The following ERICH5 variants were observed in gnomAD, a reference collection of about 807,000 sequenced individuals.
ERICH5 encodes glutamate-rich protein 5.
In ERICH5, 24 loss-of-function variants were observed where a neutral mutation model predicts 28.0. The ratio of observed to expected loss-of-function variants is 0.86; its 90% CI spans 0.62 to 1.21. The LOEUF (loss-of-function observed/expected upper bound fraction) is 1.21, where lower values mean the gene tolerates loss of function less well. Ranked by LOEUF, ERICH5 falls within the 50% of genes most tolerant of loss-of-function variation. ERICH5 has a pLI of 0.00. For synonymous variants in ERICH5, 163 were observed against 157.6 expected (o/e 1.03, Z -0.25); for missense variants, 421 against 441.2 (o/e 0.95, Z 0.41).
In ERICH5 at chr8:98,075,785, C is replaced by CTTT. The variant is rs1296283210; in HGVS notation, c.58+11075_58+11077dup. ...TAACTCCCATCTCAAGCACACCTGC[C>CTTT]TTTTTTTTTTTTTTTTTTTGAGACA... On this transcript the variant is annotated intron_variant, in intron 1 of 2. Transcript: ENST00000318528. Among the ~76,000 whole-genome samples, 16 of 81,648 alleles carry CTTT rather than the reference C, an allele frequency of 2.0e-4. 1 individual carries two copies. In the South Asian group the frequency reaches 2.7e-3, roughly 14 times the overall value. The allele number at this position is 81,648 out of a possible 152,430, so 53.6% of individuals were successfully genotyped here. A position where few individuals can be genotyped will look rare whatever the true frequency, so the allele number is the denominator to read the frequency against.
intron 1 of ERICH5, among the ~76,000 whole-genome samples, chr8:98,088,790 G>A (rs1208431605): frequency 7.2e-5 from 11 of 152,218 alleles, no homozygotes; most frequent in Non-Finnish European, 2.9e-5. Flanking sequence ...AGCTCAGTTA[G>A]AATCTGGGAC....
At chr8:98,085,664 C>G (rs1025709470) in intron 1 of ERICH5, among the ~76,000 whole-genome samples, 4 of 152,066 alleles carry the variant, frequency 2.6e-5, no homozygotes, top group Non-Finnish European at 5.9e-5. Context: ...TAAAAAAAGT[C>G]CTGCTAGAAA....
At chr8:98,073,496 A>C (rs1235700905) in intron 1 of ERICH5, among the ~76,000 whole-genome samples, 49 of 3,102 alleles carry the variant, frequency 0.016, 14 homozygotes, top group East Asian at 0.062. Context: ...GTATATATAT[A>C]TATATATATA....
At position 98,086,116 on chromosome 8, in the gene ERICH5, C is replaced by G. The variant is rs1730783407; in HGVS notation, c.59-2960C>G. ...TGAAGATATGGATCTAATTTTGTGC[C>G]TTCCTGAAAAACCACTAAAATGACA... On this transcript the variant is annotated intron_variant, in intron 1 of 2. Transcript: ENST00000318528. Among the ~76,000 whole-genome samples the G allele has an allele frequency of 5.3e-5, 8 of 151,950 alleles. No individual in the cohort carries two copies. The South Asian group carries it at 1.7e-3, about 32-fold the overall frequency.
chr8:98,081,215 C>A (rs1159499048), intron 1 of ERICH5, among the ~76,000 whole-genome samples: 2 of 152,082 alleles, frequency 1.3e-5, no homozygotes, highest in African/African-American at 4.8e-5. Context: ...AAGCTATCCT[C>A]CCATCTCGGC....
chr8:98,072,642 A>T (rs567599841), intron 1 of ERICH5, among the ~76,000 whole-genome samples: 1 of 152,296 alleles, frequency 6.6e-6, no homozygotes, highest in African/African-American at 2.4e-5. Flanking sequence ...CATCTAAAAA[A>T]AAATTAAATT....
chr8:98,080,495 G>A (rs907224302), intron 1 of ERICH5, among the ~76,000 whole-genome samples: 1 of 152,194 alleles, frequency 6.6e-6, no homozygotes, highest in African/African-American at 2.4e-5. Flanking sequence ...GGAAGTTTGA[G>A]TGGTAATTGT....
At chr8:98,091,895 TCTTTCC>T (rs1815402249) in intron 2 of ERICH5, among the ~76,000 whole-genome samples, 1 of 79,550 alleles carries the variant, frequency 1.3e-5, no homozygotes, top group Non-Finnish European at 2.5e-5. Flanking sequence ...TTTCTTTCTT[TCTTTCC>T]TTTCTTTCTT....
intron 1 of ERICH5, among the ~76,000 whole-genome samples, chr8:98,065,988 A>G (rs1468325543): frequency 6.6e-6 from 1 of 152,232 alleles, no homozygotes; most frequent in Non-Finnish European, 1.5e-5. Flanking sequence ...GTTTCCATAG[A>G]TAACGGAAAG....
intron 1 of ERICH5, among the ~76,000 whole-genome samples, chr8:98,072,487 A>C (rs1398638507): frequency 6.6e-6 from 1 of 151,950 alleles, no homozygotes; most frequent in Non-Finnish European, 1.5e-5. Context: ...ATACAAAATA[A>C]ATTAGCTAGG....
In ERICH5 at chr8:98,073,442, ATATATATATATATATATG is replaced by A. The variant is rs1563753400; in HGVS notation, c.58+8733_58+8750del. 1.2e-3 allele frequency among the ~76,000 whole-genome samples: 22 copies of A among 17,610 alleles called. 3 individuals carry two copies. Among genetic ancestry groups the A allele is most frequent in the Admixed American group, 1.9e-3 (2 of 1,036 alleles). The allele number at this position is 17,610 out of a possible 152,430, so 11.6% of individuals were successfully genotyped here. A position where few individuals can be genotyped will look rare whatever the true frequency, so the allele number is the denominator to read the frequency against. On this transcript the variant is annotated intron_variant, in intron 1 of 2. Coordinates refer to ENST00000318528, the MANE Select transcript of ERICH5 (RefSeq NM_173549.3). ...TCTCTCTCTCTCTCTCTATATATAT[ATATATATATATATATATG>A]TATATATATATATATATATATATAT...
intron 1 of ERICH5, among the ~76,000 whole-genome samples, chr8:98,076,725 G>A (rs904213956): frequency 2.0e-5 from 3 of 151,918 alleles, no homozygotes. Context: ...GCCTTCCCTG[G>A]TGACTCCATA....
At chr8:98,066,777 A>G (rs1216840113) in intron 1 of ERICH5, among the ~76,000 whole-genome samples, 1 of 152,208 alleles carries the variant, frequency 6.6e-6, no homozygotes, top group Non-Finnish European at 1.5e-5. Flanking sequence ...ATTAGATACT[A>G]TTCTGTGTTC....
At chr8:98,066,981 C>T (rs1303360925) in intron 1 of ERICH5, among the ~76,000 whole-genome samples, 6 of 152,210 alleles carry the variant, frequency 3.9e-5, no homozygotes, top group African/African-American at 1.4e-4. Context: ...CAACGCTTGG[C>T]ATATAATAGG....
In ERICH5 at chr8:98,080,544, C is replaced by A. The variant is rs374540960; in HGVS notation, c.59-8532C>A. Among the ~76,000 whole-genome samples the A allele has an allele frequency of 1.2e-4, 18 of 152,274 alleles. 2 individuals carry two copies. Among genetic ancestry groups the A allele is most frequent in the African/African-American group, 4.3e-4 (18 of 41,550 alleles). ...TTCTCTGAGAGATGGTTCAAAACAACTATTTGTTTTCCAATCTTTCATTTC... is the reference window on the plus strand; with the variant it reads ...TTCTCTGAGAGATGGTTCAAAACAAATATTTGTTTTCCAATCTTTCATTTC... On this transcript the variant is annotated intron_variant, in intron 1 of 2. Coordinates refer to ENST00000318528, the MANE Select transcript of ERICH5 (RefSeq NM_173549.3).
At chr8:98,073,516 GTATATATATA>G (rs1289703378) in intron 1 of ERICH5, among the ~76,000 whole-genome samples, 768 of 5,284 alleles carry the variant, frequency 0.15, 215 homozygotes, top group Middle Eastern at 0.25. Flanking sequence ...ATATATATAT[GTATATATATA>G]TATATATATA....
chr8:98,087,307 A>G (rs1815300125), intron 1 of ERICH5, among the ~76,000 whole-genome samples: 1 of 152,264 alleles, frequency 6.6e-6, no homozygotes, highest in African/African-American at 2.4e-5. Flanking sequence ...ATTTGCTTCT[A>G]TAAGCAAATA....
At chr8:98,078,413 A>G (rs1294466433) in intron 1 of ERICH5, among the ~76,000 whole-genome samples, 2 of 152,056 alleles carry the variant, frequency 1.3e-5, no homozygotes, top group Non-Finnish European at 2.9e-5. Context: ...AAACACCAGG[A>G]CCCCCTTCCT....
chr8:98,086,122 G>T (rs922405650), intron 1 of ERICH5, among the ~76,000 whole-genome samples: 2 of 152,018 alleles, frequency 1.3e-5, no homozygotes, highest in African/African-American at 4.8e-5. Context: ...GTGCCTTCCT[G>T]AAAAACCACT....
Sources: allele counts gnomAD v4.1 joint callset (sites outside exome capture counted in the v4.1 genomes callset), GRCh38; gene constraint gnomAD v4.1.1; transcripts MANE v1.5; gene names NCBI Gene and HGNC (gene_info 2026-07-23, HGNC 2026-07-21).